The following MICAL3 variants were observed in gnomAD, a reference collection of about 807,000 sequenced individuals.
MICAL3 encodes microtubule associated monooxygenase, calponin and LIM domain containing 3, also known as [F-actin]-monooxygenase MICAL3.
In MICAL3, 62 loss-of-function variants were observed where a neutral mutation model predicts 207.4. The ratio of observed to expected loss-of-function variants is 0.30; its 90% confidence interval spans 0.24 to 0.37. The LOEUF is 0.37. MICAL3 is among the 10% of genes least tolerant of loss of function. The pLI, the probability that MICAL3 is intolerant of heterozygous loss-of-function variation, is 1.00. For missense variants in MICAL3, 2,368 were observed against 2,635.6 expected (o/e 0.90, Z 2.22); for synonymous variants, 1,077 against 1,069.3 (o/e 1.01, Z -0.14).
At chr22:17,976,332 TAAG>T (rs1196974293) in intron 1 of MICAL3, among the ~76,000 whole-genome samples, 2 of 151,946 alleles carry the variant, frequency 1.3e-5, no homozygotes, top group Admixed American at 6.6e-5. Flanking sequence ...ACGAGGGAGT[TAAG>T]GTTACACTGG....
chr22:17,994,841 G>A (rs1303765553), intron 1 of MICAL3, among the ~76,000 whole-genome samples: 1 of 152,146 alleles, frequency 6.6e-6, no homozygotes, highest in Non-Finnish European at 1.5e-5. Flanking sequence ...TAACCACAAG[G>A]CTGTGCTGTC....
chr22:17,901,840 C>T (rs745516784), intron 5 of MICAL3, 38 bp downstream of exon 5: 2 of 1,527,946 alleles, frequency 1.3e-6, no homozygotes, highest in Non-Finnish European at 1.8e-6. Flanking sequence ...TCAGCTTTCC[C>T]TCTGCTATGA....
At chr22:17,941,272 C>T (rs1270756370) in intron 1 of MICAL3, among the ~76,000 whole-genome samples, 2 of 152,228 alleles carry the variant, frequency 1.3e-5, no homozygotes, top group African/African-American at 4.8e-5. Flanking sequence ...GAGAAGTGAA[C>T]TATGTCAACA....
intron 16 of MICAL3, chr22:17,876,811 GGGAGGTTAGGGAGGTTATGGAGGTT>G (rs1928484110): frequency 2.5e-5 from 1 of 40,606 alleles, no homozygotes; most frequent in Non-Finnish European, 5.5e-5. Flanking sequence ...ATGGAGGTTA[GGGAGGTTAGGGAGGTTATGGAGGTT>G]AGGGAGGTTA....
At chr22:17,998,545 A>G (rs1473210901) in intron 1 of MICAL3, among the ~76,000 whole-genome samples, 1 of 138,802 alleles carries the variant, frequency 7.2e-6, no homozygotes, top group Non-Finnish European at 1.5e-5. Context: ...AATAATAATA[A>G]TAATTATTAT....
At chr22:17,970,858 T>C (rs1374629752) in intron 1 of MICAL3, among the ~76,000 whole-genome samples, 1 of 152,154 alleles carries the variant, frequency 6.6e-6, no homozygotes, top group East Asian at 1.9e-4. Flanking sequence ...CAGGCAGTGC[T>C]TTCTAAACTG....
intron 1 of MICAL3, among the ~76,000 whole-genome samples, chr22:17,916,055 CAA>C (rs755146574): frequency 0.092 from 5,247 of 57,294 alleles, 117 homozygotes; most frequent in African/African-American, 0.15. Context: ...GATCCAGTCT[CAA>C]AAAAAAAAAA....
chr22:17,835,948 G>A (rs1383052342), intron 20 of MICAL3, among the ~76,000 whole-genome samples: 1 of 152,226 alleles, frequency 6.6e-6, no homozygotes, highest in Admixed American at 6.5e-5. Context: ...TACTTTCAGA[G>A]ATGTCAGAGG....
At chr22:17,878,982 T>C (rs1929160529) in intron 16 of MICAL3, among the ~76,000 whole-genome samples, 1 of 152,200 alleles carries the variant, frequency 6.6e-6, no homozygotes, top group South Asian at 2.1e-4. Flanking sequence ...CCCTAAGAAG[T>C]TGTATCTGAC....
At chr22:17,861,869 C>T (rs1424094611) in intron 19 of MICAL3, 3 of 985,472 alleles carry the variant, frequency 3.0e-6, no homozygotes, top group Non-Finnish European at 3.6e-6. Flanking sequence ...AAAGACAATA[C>T]TTTAAAGCCG....
intron 1 of MICAL3, among the ~76,000 whole-genome samples, chr22:18,002,221 G>A (rs1416344762): frequency 6.6e-6 from 1 of 151,824 alleles, no homozygotes; most frequent in African/African-American, 2.4e-5. Flanking sequence ...TAATAATAAA[G>A]GAGACTTGTT....
chr22:17,981,952 G>A (rs538459930), intron 1 of MICAL3, among the ~76,000 whole-genome samples: 23 of 152,000 alleles, frequency 1.5e-4, no homozygotes, highest in African/African-American at 5.5e-4. Context: ...AAAAATTAAC[G>A]AAATTAGCAG....
chr22:17,993,476 T>C (rs1921922082), intron 1 of MICAL3, among the ~76,000 whole-genome samples: 1 of 152,128 alleles, frequency 6.6e-6, no homozygotes, highest in Non-Finnish European at 1.5e-5. Context: ...CAAAGGAGTT[T>C]AGCTGGGGCA....
At chr22:17,849,498 C>T (rs1408819362) in intron 19 of MICAL3, among the ~76,000 whole-genome samples, 1 of 149,544 alleles carries the variant, frequency 6.7e-6, no homozygotes, top group East Asian at 2.0e-4. Flanking sequence ...TCACGCCTGG[C>T]TAATTTTTGA....
At chr22:17,814,642 T>C (rs1362572314) in intron 27 of MICAL3, 4 of 152,186 alleles carry the variant, frequency 2.6e-5, no homozygotes, top group African/African-American at 9.7e-5. Flanking sequence ...CTCCATACCA[T>C]GCGGAAGTCA....
intron 16 of MICAL3, among the ~76,000 whole-genome samples, chr22:17,882,151 A>C (rs1167258460): frequency 6.6e-6 from 1 of 152,172 alleles, no homozygotes; most frequent in African/African-American, 2.4e-5. Context: ...TGGTTAATGC[A>C]CAGAGCTTGC....
intron 1 of MICAL3, 94 bp downstream of exon 1, chr22:18,024,186 CA>C (rs1924656257): frequency 6.6e-6 from 1 of 152,282 alleles, no homozygotes; most frequent in Admixed American, 6.5e-5. Context: ...CCACCATAAG[CA>C]ATCTAAATAA....
At chr22:17,824,698 G>C (rs1921989729) in intron 22 of MICAL3, among the ~76,000 whole-genome samples, 1 of 152,180 alleles carries the variant, frequency 6.6e-6, no homozygotes, top group South Asian at 2.1e-4. Context: ...TACCAGAGTG[G>C]CCCACGTTGC....
At chr22:17,990,895 C>T (rs1283812531) in intron 1 of MICAL3, among the ~76,000 whole-genome samples, 3 of 152,226 alleles carry the variant, frequency 2.0e-5, no homozygotes, top group African/African-American at 4.8e-5. Flanking sequence ...ACCCCTTGAC[C>T]TCTTTTACTA....
Sources: gnomAD v4.1 joint callset for allele counts (sites outside exome capture counted in the v4.1 genomes callset) on GRCh38, gnomAD v4.1.1 for gene constraint, MANE v1.5 for transcripts, NCBI Gene and HGNC (gene_info 2026-07-23, HGNC 2026-07-21) for gene names.